Variants in SORCS1 observed in about 807,000 individuals in gnomAD.
SORCS1 encodes sortilin related VPS10 domain containing receptor 1, also known as VPS10 domain-containing receptor SorCS1.
Under a neutral mutation model 146.1 loss-of-function variants are expected in SORCS1, and 60 were observed. The observed-to-expected ratio is 0.41, with a 90% confidence interval of 0.33 to 0.51. The LOEUF (loss-of-function observed/expected upper bound fraction) is 0.51. Ranked by LOEUF, SORCS1 falls within the 20% of genes least tolerant of loss-of-function variation. The pLI is 0.21. For missense variants in SORCS1, 1,352 were observed against 1,487.6 expected (o/e 0.91, Z 1.50); for synonymous variants, 637 against 584.0 (o/e 1.09, Z -1.31).
At chr10:106,994,565 G>A (rs1454232923) in intron 1 of SORCS1, among the ~76,000 whole-genome samples, 6 of 152,152 alleles carry the variant, frequency 3.9e-5, no homozygotes, top group African/African-American at 1.2e-4. Context: ...CAATTTAAAT[G>A]GCAATTTTGA....
At chr10:106,796,675 G>A (rs1046558526) in intron 3 of SORCS1, among the ~76,000 whole-genome samples, 1 of 152,228 alleles carries the variant, frequency 6.6e-6, no homozygotes, top group Non-Finnish European at 1.5e-5. Flanking sequence ...TGGGGAGAAA[G>A]AGAGCGAGCA....
chr10:106,813,697 G>C (rs561063289), intron 3 of SORCS1, among the ~76,000 whole-genome samples: 1 of 152,294 alleles, frequency 6.6e-6, no homozygotes, highest in South Asian at 2.1e-4. Context: ...AGCTTTGAGA[G>C]GCTGAGGCAG....
At chr10:106,694,083 C>A (rs531558046) in intron 9 of SORCS1, among the ~76,000 whole-genome samples, 4 of 152,200 alleles carry the variant, frequency 2.6e-5, no homozygotes, top group African/African-American at 9.6e-5. Flanking sequence ...ATATTTTTCT[C>A]GAGAGGACAA....
intron 1 of SORCS1, among the ~76,000 whole-genome samples, chr10:107,117,009 GA>G (rs1966084600): frequency 6.6e-6 from 1 of 151,926 alleles, no homozygotes; most frequent in African/African-American, 2.4e-5. Flanking sequence ...AAATTTGTCA[GA>G]ATTAAAATCC....
chr10:107,129,464 G>A (rs1253490853), intron 1 of SORCS1, among the ~76,000 whole-genome samples: 5 of 152,200 alleles, frequency 3.3e-5, no homozygotes, highest in Non-Finnish European at 7.3e-5. Flanking sequence ...AAATAACTCT[G>A]TTGTTATCAA....
At chr10:106,655,877 A>T (rs756699974) in intron 17 of SORCS1, among the ~76,000 whole-genome samples, 1 of 152,218 alleles carries the variant, frequency 6.6e-6, no homozygotes, top group Non-Finnish European at 1.5e-5. Context: ...TCTGAGTTAC[A>T]TAAATGAATA....
intron 10 of SORCS1, among the ~76,000 whole-genome samples, chr10:106,681,187 C>T (rs772628992): frequency 6.6e-6 from 1 of 152,164 alleles, no homozygotes; most frequent in Non-Finnish European, 1.5e-5. Flanking sequence ...TAATTAAATG[C>T]TGTGGATGTT....
chr10:106,608,277 T>C (rs1280052216), intron 22 of SORCS1, among the ~76,000 whole-genome samples: 1 of 152,258 alleles, frequency 6.6e-6, no homozygotes, highest in African/African-American at 2.4e-5. Context: ...TGGGATGATG[T>C]ACAATTTCTC....
At chr10:106,984,463 G>A (rs1228887129) in intron 1 of SORCS1, among the ~76,000 whole-genome samples, 18 of 146,274 alleles carry the variant, frequency 1.2e-4, no homozygotes, top group South Asian at 2.2e-4. Context: ...GTGCGATCTC[G>A]GCTCACTGCA....
chr10:107,080,134 C>T (rs1963215746), intron 1 of SORCS1, among the ~76,000 whole-genome samples: 1 of 152,094 alleles, frequency 6.6e-6, no homozygotes, highest in South Asian at 2.1e-4. Context: ...TTTTTAGGAC[C>T]ATTTTGAACA....
intron 1 of SORCS1, among the ~76,000 whole-genome samples, chr10:107,141,176 G>A (rs1967808700): frequency 6.6e-6 from 1 of 152,156 alleles, no homozygotes; most frequent in South Asian, 2.1e-4. Flanking sequence ...AGCAAGGAAT[G>A]AAAGGTGTCT....
rs994286034 is a variant in SORCS1, at chr10:107,101,585, C to T, written c.558+62384G>A. Among the ~76,000 whole-genome samples, 5 of 152,286 alleles carry T rather than the reference C, an allele frequency of 3.3e-5. No individual in the cohort carries two copies. The East Asian group carries it at 9.6e-4, about 29-fold the overall frequency. On this transcript the variant is annotated intron_variant, in intron 1 of 25. Transcript: ENST00000263054. ...GACAGCCCTCCCTCCTGGTCTCAAA[C>T]TCCTGTCCTCAAGTGATCCTGCCAT...
intron 1 of SORCS1, among the ~76,000 whole-genome samples, chr10:107,047,268 C>T (rs183642508): frequency 1.3e-5 from 2 of 152,280 alleles, no homozygotes; most frequent in Admixed American, 6.5e-5. Flanking sequence ...GGATTACAGG[C>T]ATGAGCCACC....
intron 18 of SORCS1, among the ~76,000 whole-genome samples, chr10:106,631,542 G>A (rs1485124736): frequency 6.6e-6 from 1 of 152,202 alleles, no homozygotes; most frequent in African/African-American, 2.4e-5. Flanking sequence ...GGTATCTGGG[G>A]TTATCCATGG....
intron 24 of SORCS1, among the ~76,000 whole-genome samples, chr10:106,582,631 C>T (rs1844988788): frequency 1.3e-5 from 2 of 152,226 alleles, no homozygotes; most frequent in African/African-American, 2.4e-5. Flanking sequence ...AATTAGCATA[C>T]TTTAATCCCT....
At position 106,960,958 on chromosome 10, in the gene SORCS1, C is replaced by T. The variant is rs1199308735; in HGVS notation, c.559-4378G>A. The stretch of plus-strand genomic sequence containing the variant: ...AGCTCCTACTGAATAATTCCATCAA[C>T]TCTAGCCCTCACTCCTTCTGGATAG... On this transcript the variant is annotated intron_variant, in intron 1 of 25. Transcript: ENST00000263054. This position sits in a 1 kb window ranked among gnomAD's most constrained non-coding sequence, Gnocchi z 4.4. 1.3e-5 allele frequency among the ~76,000 whole-genome samples: 2 copies of T among 152,186 alleles called. No individual in the cohort carries two copies. Among genetic ancestry groups the T allele is most frequent in the African/African-American group, 2.4e-5 (1 of 41,430 alleles).
intron 1 of SORCS1, among the ~76,000 whole-genome samples, chr10:107,083,258 C>T (rs1375629855): frequency 6.6e-6 from 1 of 151,984 alleles, no homozygotes; most frequent in African/African-American, 2.4e-5. Context: ...GAACTAGGAA[C>T]TGTGGTAAGC....
intron 4 of SORCS1, among the ~76,000 whole-genome samples, chr10:106,773,242 T>C (rs890477133): frequency 6.6e-6 from 1 of 152,212 alleles, no homozygotes; most frequent in Non-Finnish European, 1.5e-5. Flanking sequence ...AGAATAAATG[T>C]TCCTGTTTCC....
At chr10:106,635,206 C>G (rs565563929) in intron 18 of SORCS1, among the ~76,000 whole-genome samples, 4 of 152,164 alleles carry the variant, frequency 2.6e-5, no homozygotes, top group African/African-American at 4.8e-5. Flanking sequence ...TCCTCACGGA[C>G]AGCCTCAGTC....
Sources: gnomAD v4.1 joint callset for allele counts (sites outside exome capture counted in the v4.1 genomes callset) on GRCh38, gnomAD v4.1.1 for gene constraint, Gnocchi (gnomAD v3.1) non-coding constraint, MANE v1.5 for transcripts, NCBI Gene and HGNC (gene_info 2026-07-23, HGNC 2026-07-21) for gene names.